ZC3H4: variants seen among roughly 807,000 people sequenced by gnomAD.
ZC3H4 encodes zinc finger CCCH domain-containing protein 4.
In ZC3H4, 13 loss-of-function variants were observed where a neutral mutation model predicts 108.3. That is an observed-to-expected ratio of 0.12 (90% CI 0.08 to 0.19). The LOEUF (loss-of-function observed/expected upper bound fraction) is 0.19, where lower values mean the gene tolerates loss of function less well. ZC3H4 is among the 10% of genes least tolerant of loss of function. The probability of loss-of-function intolerance (pLI) is 1.00; values close to 1 mark genes in which losing one functional copy is unlikely to be tolerated. For synonymous variants in ZC3H4, 917 were observed against 749.6 expected, an observed-to-expected ratio of 1.22 and a Z score of -3.65; for missense variants, 1,734 against 1,838.8, an observed-to-expected ratio of 0.94 and a Z score of 1.04.
chr19:47,110,098 T>C (rs984984799), intron 2 of ZC3H4, among the ~76,000 whole-genome samples: 4 of 152,098 alleles, frequency 2.6e-5, no homozygotes, highest in African/African-American at 7.2e-5. Flanking sequence ...AGTTTACAGA[T>C]TTTGTGCTTC....
Position 47,072,319 on chromosome 19 carries a change from C to A in ZC3H4, c.1802+33G>T, listed in dbSNP as rs370321651. 2.3e-4 allele frequency: 370 copies of A among 1,601,908 alleles called. 2 individuals carry two copies. In the African/African-American group the frequency reaches 4.4e-3, roughly 19 times the overall value. On this transcript the variant is annotated intron_variant, in intron 12 of 14. Transcript: ENST00000253048. The surrounding 1 kb of genome is among the most constrained non-coding windows in gnomAD (Gnocchi z 5.6). The stretch of plus-strand genomic sequence containing the variant: ...AGCCTGGCTGGGCCCAGGACAGCGC[C>A]CACTGCCTGTCACGGGGGTCCAGGG...
At chr19:47,108,096 T>C (rs1283139876) in intron 2 of ZC3H4, among the ~76,000 whole-genome samples, 2 of 152,246 alleles carry the variant, frequency 1.3e-5, no homozygotes, top group East Asian at 3.8e-4. Context: ...GCTCCTACAG[T>C]CTCTGATCTG....
At chr19:47,098,230 G>A (rs1293841779) in intron 2 of ZC3H4, among the ~76,000 whole-genome samples, 1 of 152,226 alleles carries the variant, frequency 6.6e-6, no homozygotes, top group African/African-American at 2.4e-5. Context: ...CAGACCGGGT[G>A]TGGTGGCTCA....
chr19:47,082,330 C>A, intron 9 of ZC3H4, 35 bp from the exon 10 acceptor site: 1 of 1,509,332 alleles, frequency 6.6e-7, no homozygotes, highest in South Asian at 1.1e-5. Context: ...AAGGTGGTGG[C>A]GTGGGAAGCT....
chr19:47,077,073 C>T (rs2057434622), intron 11 of ZC3H4, among the ~76,000 whole-genome samples: 1 of 151,764 alleles, frequency 6.6e-6, no homozygotes, highest in Non-Finnish European at 1.5e-5. Flanking sequence ...AGGCAGAGAA[C>T]TGCTTGAACC....
At chr19:47,080,692 A>C (rs2057505702) in intron 11 of ZC3H4, among the ~76,000 whole-genome samples, 1 of 148,086 alleles carries the variant, frequency 6.8e-6, no homozygotes, top group African/African-American at 2.5e-5. Context: ...ACACAGTCTC[A>C]CTCTGTTGCA....
intron 2 of ZC3H4, among the ~76,000 whole-genome samples, chr19:47,095,203 C>T (rs1175898765): frequency 1.3e-5 from 2 of 152,218 alleles, no homozygotes; most frequent in East Asian, 3.8e-4. Context: ...GTGGAGAGGG[C>T]CTTGGTTCTG....
Position 47,065,146 on chromosome 19 carries a change from T to A in ZC3H4, c.*1210A>T, listed in dbSNP as rs545762704. Reference sequence around the variant, plus strand: ...AGGGCTCTGCAGATGAGGCTGGCCCTCAGCCAGGGTGGGAGCATGGGGGGA... The same window carrying A: ...AGGGCTCTGCAGATGAGGCTGGCCCACAGCCAGGGTGGGAGCATGGGGGGA... On this transcript the variant is annotated 3_prime_UTR_variant, in exon 15 of 15. Transcript: ENST00000253048. 345 of 152,312 alleles carry A rather than the reference T, an allele frequency of 2.3e-3. 1 individual carries two copies. The highest frequency in any genetic ancestry group is 4.0e-3 in the Non-Finnish European group (269 of 68,064). The allele number at this position is 152,312 out of a possible 1,614,324, so 9.4% of individuals were successfully genotyped here. A position where few individuals can be genotyped will look rare whatever the true frequency, so the allele number is the denominator to read the frequency against.
intron 2 of ZC3H4, among the ~76,000 whole-genome samples, chr19:47,109,972 A>T (rs2058017457): frequency 1.3e-5 from 2 of 152,098 alleles, no homozygotes; most frequent in East Asian, 1.9e-4. Flanking sequence ...GGGCTGGAGG[A>T]GGTGTTCCCT....
In ZC3H4 at chr19:47,072,124, A is replaced by G. The variant is rs2057341313; in HGVS notation, c.1803-3T>C. ...GGGGTCCACCGGGTCCAGGGAACCTAGAAGAGGGAAAAGGTGCCTGTGACG... is the reference window on the plus strand; with the variant it reads ...GGGGTCCACCGGGTCCAGGGAACCTGGAAGAGGGAAAAGGTGCCTGTGACG... On this transcript the variant is annotated splice_region_variant and splice_polypyrimidine_tract_variant and intron_variant, in intron 12 of 14. Transcript: ENST00000253048. The surrounding 1 kb of genome is among the most constrained non-coding windows in gnomAD (Gnocchi z 5.6). The G allele has an allele frequency of 1.2e-5, 18 of 1,524,712 alleles. No homozygotes were observed. The East Asian group carries it at 4.2e-4, about 36-fold the overall frequency. 94.4% of individuals were successfully genotyped at this position (1,524,712 alleles called of 1,614,324 possible).
At chr19:47,068,287 C>T (rs990725712) in intron 14 of ZC3H4, among the ~76,000 whole-genome samples, 1 of 152,254 alleles carries the variant, frequency 6.6e-6, no homozygotes, top group Non-Finnish European at 1.5e-5. Context: ...GTTCAGCCCC[C>T]ACTGTGGCAA....
Position 47,066,995 on chromosome 19 carries a change from G to T in ZC3H4, c.3273C>A (p.Ser1091=). 1 of 1,589,420 alleles carries T rather than the reference G, an allele frequency of 6.3e-7. No homozygotes were observed. ...RLQKPTDSTA[S]SRAAKPGPAE... is the part of the protein sequence containing the mutation. ...CAGGGCCGGGCTTGGCAGCCCGGGA[G>T]GAGGCCGTAGAGTCTGTGGGTTTCT... The change falls in exon 15 of 15, where the codon TCC becomes TCA. Residue 1091 remains serine (S), a synonymous_variant. Transcript: ENST00000253048.
In ZC3H4 at chr19:47,069,146, C is replaced by T; in HGVS notation, c.2344G>A (p.Glu782Lys). ...CTCTCAGCCAGCCTCCTCGCTCTCT[C>T]CTCCTCCTCCTGCTGCTTCTGCTGG... is the stretch of plus-strand genomic sequence containing the variant. Reference protein sequence around the residue: ...RIQQKQQEEEERARRLAESSK... With the variant: ...RIQQKQQEEEKRARRLAESSK... Residue 782 changes from glutamate to lysine, a missense_variant, in exon 14 of 15, where the codon GAG becomes AAG. Physicochemically the swap from Glu to Lys is moderately conservative, Grantham distance 56. This residue lies in a region of ZC3H4 where 540 missense variants were observed against 484.1 expected (regional missense o/e 1.12). Transcript: ENST00000253048. 1.2e-6 allele frequency: 2 copies of T among 1,605,780 alleles called. No individual in the cohort carries two copies. Among genetic ancestry groups the T allele is most frequent in the Non-Finnish European group, 1.7e-6 (2 of 1,179,230 alleles).
chr19:47,092,365 T>C (rs961075931), intron 4 of ZC3H4, among the ~76,000 whole-genome samples: 1 of 152,186 alleles, frequency 6.6e-6, no homozygotes, highest in African/African-American at 2.4e-5. Context: ...AAGCACGCAA[T>C]GTTCCCTCCA....
Position 47,070,622 on chromosome 19 carries a change from T to G in ZC3H4, c.2146+1156A>C, listed in dbSNP as rs138474718. ...CTGTGGCAGCCTGTTTTTCTCGTCT[T>G]TCTTTCTAAAGCACCCACTCTCACC... On this transcript the variant is annotated intron_variant, in intron 13 of 14. Transcript: ENST00000253048. Among the ~76,000 whole-genome samples, 250 of 152,152 alleles carry G rather than the reference T, an allele frequency of 1.6e-3. 1 individual carries two copies. Among genetic ancestry groups the G allele is most frequent in the African/African-American group, 5.4e-3 (225 of 41,492 alleles).
chr19:47,089,050 A>G (rs895350498), intron 5 of ZC3H4, among the ~76,000 whole-genome samples: 11 of 151,848 alleles, frequency 7.2e-5, no homozygotes, highest in Non-Finnish European at 1.5e-4. Flanking sequence ...TACTAAAAAT[A>G]CAAAAACTAG....
chr19:47,094,883 G>T (rs1243083887), intron 2 of ZC3H4, among the ~76,000 whole-genome samples: 2 of 152,212 alleles, frequency 1.3e-5, no homozygotes, highest in Non-Finnish European at 2.9e-5. Flanking sequence ...TTTCCCAACA[G>T]AACTAGTGTT....
intron 2 of ZC3H4, 113 bp downstream of exon 2, chr19:47,112,311 C>A: frequency 2.7e-6 from 3 of 1,126,772 alleles, no homozygotes; most frequent in Non-Finnish European, 3.4e-6. Context: ...CTTCCTCCTC[C>A]TCCTCCTCCT....
At chr19:47,084,603 G>T in intron 8 of ZC3H4, 148 bp from the exon 9 acceptor site, 1 of 754,124 alleles carries the variant, frequency 1.3e-6, no homozygotes, top group Non-Finnish European at 2.2e-6. Context: ...CTAACACGGA[G>T]GCTGCGTGCA....
Sources: gnomAD v4.1 joint callset for allele counts (sites outside exome capture counted in the v4.1 genomes callset) on GRCh38, gnomAD v4.1.1 for gene constraint, gnomAD v4.1.1 regional missense constraint, Gnocchi (gnomAD v3.1) non-coding constraint, MANE v1.5 for transcripts, NCBI Gene and HGNC (gene_info 2026-07-23, HGNC 2026-07-21) for gene names.